OPA1: variants seen among roughly 807,000 people sequenced by gnomAD.
OPA1 encodes the protein OPA1 mitochondrial dynamin like GTPase.
In OPA1, 59 loss-of-function variants were observed where a neutral mutation model predicts 152.9. The ratio of observed to expected loss-of-function variants is 0.39; its 90% CI spans 0.31 to 0.48. The LOEUF is 0.48. Among genes scored for constraint, OPA1 ranks in the 20% least tolerant of loss-of-function variants. The probability of loss-of-function intolerance (pLI) is 0.96; values close to 1 mark genes in which losing one functional copy is unlikely to be tolerated. For missense variants in OPA1, 1,008 were observed against 1,216.8 expected (o/e 0.83, Z 2.55); for synonymous variants, 400 against 389.9 (o/e 1.03, Z -0.31).
intron 7 of OPA1, 29 bp downstream of exon 7, chr3:193,626,231 T>TA (rs1731112434): frequency 3.3e-6 from 5 of 1,492,734 alleles, no homozygotes; most frequent in Non-Finnish European, 4.7e-6. Context: ...GGGCTACCGA[T>TA]ACATTCACAC....
chr3:193,665,636 T>C (rs1250280543), intron 27 of OPA1, among the ~76,000 whole-genome samples: 1 of 152,188 alleles, frequency 6.6e-6, no homozygotes, highest in Non-Finnish European at 1.5e-5. Context: ...ATCCTTTTGA[T>C]AAAGCTCAGT....
intron 29 of OPA1, chr3:193,668,280 C>T (rs1427326744): frequency 6.7e-7 from 1 of 1,497,800 alleles, no homozygotes; most frequent in Non-Finnish European, 9.1e-7. Context: ...ATACGTAACC[C>T]AACTTGAATG....
At chr3:193,603,713 G>T (rs1447810084) in intron 1 of OPA1, among the ~76,000 whole-genome samples, 1 of 152,222 alleles carries the variant, frequency 6.6e-6, no homozygotes, top group African/African-American at 2.4e-5. Flanking sequence ...TTGACTTGAA[G>T]AGTTCGCTTC....
intron 21 of OPA1, among the ~76,000 whole-genome samples, chr3:193,651,118 C>T (rs1480718219): frequency 6.6e-6 from 1 of 151,974 alleles, no homozygotes; most frequent in Non-Finnish European, 1.5e-5. Context: ...TAGATGTAAG[C>T]AAAATATTGG....
At chr3:193,615,540 T>G in intron 2 of OPA1, 134 bp from the exon 3 acceptor site, 1 of 689,740 alleles carries the variant, frequency 1.4e-6, no homozygotes, top group Non-Finnish European at 2.6e-6. Context: ...TGAGACCACT[T>G]AATTTTGTTT....
intron 1 of OPA1, among the ~76,000 whole-genome samples, chr3:193,595,953 T>G (rs1465414473): frequency 6.6e-6 from 1 of 152,140 alleles, no homozygotes. Flanking sequence ...TATGCACACT[T>G]TTTTATTTTT....
chr3:193,623,718 C>T (rs1445163734), intron 6 of OPA1, among the ~76,000 whole-genome samples: 1 of 151,974 alleles, frequency 6.6e-6, no homozygotes, highest in Non-Finnish European at 1.5e-5. Context: ...AATGTCTAAG[C>T]TTGGGAAAAT....
rs533189654 is a variant in OPA1, at chr3:193,659,943, C to T, written c.2520+382C>T. 3.4e-4 allele frequency among the ~76,000 whole-genome samples: 51 copies of T among 151,614 alleles called. 1 individual carries two copies. The East Asian group carries it at 8.6e-3, about 25-fold the overall frequency. On this transcript the variant is annotated intron_variant, in intron 25 of 30. Transcript: ENST00000361510. ...GAGGAATCGCTTGAGTTAAGGAGTT[C>T]GAGACCAGCCTGGGCAACATAGCAA...
chr3:193,593,478 A>G (rs757106795), intron 1 of OPA1, 69 bp downstream of exon 1: 50 of 1,398,564 alleles, frequency 3.6e-5, no homozygotes, highest in African/African-American at 2.2e-4. Context: ...TCTTATCTCT[A>G]TCTCCAAAAA....
At chr3:193,598,711 T>G (rs1725993440) in intron 1 of OPA1, among the ~76,000 whole-genome samples, 1 of 152,124 alleles carries the variant, frequency 6.6e-6, no homozygotes, top group Admixed American at 6.5e-5. Context: ...AAGAAAGAAA[T>G]ATCAGATTAT....
intron 7 of OPA1, among the ~76,000 whole-genome samples, chr3:193,630,843 A>ATGTTTTTT (rs1191605068): frequency 6.6e-6 from 1 of 151,236 alleles, no homozygotes; most frequent in African/African-American, 2.4e-5. Context: ...ACCTGTTATA[A>ATGTTTTTT]AATAAAATTG....
rs1228501975 is a variant in OPA1, at chr3:193,656,977, AT to A, written c.2179-100del. On this transcript the variant is annotated intron_variant, in intron 22 of 30. Coordinates refer to ENST00000361510, the MANE Select transcript of OPA1 (RefSeq NM_130837.3). Reference sequence around the variant, plus strand: ...TTCACATATATTTTCTGATAAGCTGATTTATTTATCACATCTGTTTGGCTTG... The same window carrying A: ...TTCACATATATTTTCTGATAAGCTGATTATTTATCACATCTGTTTGGCTTG... 15 of 1,022,246 alleles carry A rather than the reference AT, an allele frequency of 1.5e-5. No homozygotes were observed. The African/African-American group carries it at 2.1e-4, about 14-fold the overall frequency. The allele number at this position is 1,022,246 out of a possible 1,614,324, so 63.3% of individuals were successfully genotyped here. A position where few individuals can be genotyped will look rare whatever the true frequency, so the allele number is the denominator to read the frequency against.
chr3:193,624,965 C>G (rs1043912178), intron 6 of OPA1, among the ~76,000 whole-genome samples: 1 of 152,048 alleles, frequency 6.6e-6, no homozygotes, highest in African/African-American at 2.4e-5. Context: ...ATTTTTATAA[C>G]TTGGTAAAAA....
chr3:193,683,971 C>A (rs1386416762), intron 29 of OPA1, among the ~76,000 whole-genome samples: 1 of 152,116 alleles, frequency 6.6e-6, no homozygotes, highest in Non-Finnish European at 1.5e-5. Flanking sequence ...AAATTTAGCC[C>A]TCAGTTTCCT....
chr3:193,645,712 C>A lies in OPA1; in HGVS notation c.1682-16C>A. 6.2e-7 allele frequency: 1 copy of A among 1,612,246 alleles called. No homozygotes were observed. The highest frequency in any genetic ancestry group is 8.5e-7 in the Non-Finnish European group (1 of 1,178,762). On this transcript the variant is annotated splice_polypyrimidine_tract_variant and intron_variant, in intron 17 of 30. Transcript: ENST00000361510. The stretch of plus-strand genomic sequence containing the variant: ...GTAATTTTCTTGATGAAAATTTGAC[C>A]ATCATTCTTCCCCAGGGAACAGCTC...
intron 7 of OPA1, among the ~76,000 whole-genome samples, chr3:193,629,753 A>C (rs906394943): frequency 7.9e-5 from 12 of 152,200 alleles, no homozygotes; most frequent in African/African-American, 2.9e-4. Context: ...TACCAAATTA[A>C]GTTAACCTTT....
intron 1 of OPA1, among the ~76,000 whole-genome samples, chr3:193,602,309 A>G (rs1029938776): frequency 6.6e-6 from 1 of 152,190 alleles, no homozygotes; most frequent in African/African-American, 2.4e-5. Context: ...AGGACTTGGT[A>G]TGGTCCCATC....
Position 193,666,333 on chromosome 3 carries a change from A to G in OPA1, c.2816A>G (p.Gln939Arg), listed in dbSNP as rs1716531934. Residue 939 changes from glutamine (Q) to arginine (R), a missense_variant, in exon 28 of 31, where the codon CAG (glutamine) becomes CGG (arginine). Physicochemically the swap from Gln to Arg is conservative, Grantham distance 43 (BLOSUM62 1). Coordinates refer to ENST00000361510, the MANE Select transcript of OPA1 (RefSeq NM_130837.3). ...CNDVVLFWRI[Q>R]RMLAITANTL... ...GATGTGGTCTTGTTTTGGCGTATAC[A>G]GCGCATGCTTGCTATCACCGCAAAT... The G allele has an allele frequency of 1.2e-6, 2 of 1,614,084 alleles. No homozygotes were observed. Among genetic ancestry groups the G allele is most frequent in the African/African-American group, 1.3e-5 (1 of 74,936 alleles).
intron 21 of OPA1, 89 bp from the exon 22 acceptor site, chr3:193,654,773 T>G: frequency 7.4e-7 from 1 of 1,344,802 alleles, no homozygotes; most frequent in Non-Finnish European, 1.0e-6. Context: ...TATGTACAGT[T>G]TATTATAAGT....
Sources: allele counts gnomAD v4.1 joint callset (sites outside exome capture counted in the v4.1 genomes callset), GRCh38; gene constraint gnomAD v4.1.1; transcripts MANE v1.5; gene names NCBI Gene and HGNC (gene_info 2026-07-23, HGNC 2026-07-21).